Variants in PTPRD observed in about 807,000 individuals in gnomAD.
PTPRD encodes protein tyrosine phosphatase receptor type D.
In PTPRD, 34 loss-of-function variants were observed where a neutral mutation model predicts 214.5. That is an observed-to-expected ratio of 0.16 (90% CI 0.12 to 0.21). The LOEUF is 0.21. PTPRD is among the 10% of genes least tolerant of loss of function. The pLI, the probability that PTPRD is intolerant of heterozygous loss-of-function variation, is 1.00. For synonymous variants in PTPRD, 1,128 were observed against 845.7 expected (o/e 1.33, Z -5.79); for missense variants, 2,545 against 2,398.7 (o/e 1.06, Z -1.27).
In PTPRD at chr9:9,635,149, A is replaced by C. The variant is rs1201099259; in HGVS notation, c.-286-60368T>G. Among the ~76,000 whole-genome samples the C allele has an allele frequency of 2.0e-5, 3 of 152,280 alleles. No individual in the cohort carries two copies. In the East Asian group the frequency reaches 5.8e-4, roughly 29 times the overall value. Reference sequence around the variant, plus strand: ...GGACATCTGTAGCCACACAAACTGGAATAAGCCTATAAAGCTTCTTTTTCT... The same window carrying C: ...GGACATCTGTAGCCACACAAACTGGCATAAGCCTATAAAGCTTCTTTTTCT... On this transcript the variant is annotated intron_variant, in intron 7 of 45. Transcript: ENST00000381196.
At chr9:8,616,703 G>A (rs1274659467) in intron 14 of PTPRD, among the ~76,000 whole-genome samples, 1 of 152,106 alleles carries the variant, frequency 6.6e-6, no homozygotes, top group Non-Finnish European at 1.5e-5. Context: ...CCTACTTTCA[G>A]AGCATATCTC....
intron 27 of PTPRD, among the ~76,000 whole-genome samples, chr9:8,492,112 C>A (rs1196301856): frequency 6.6e-6 from 1 of 152,140 alleles, no homozygotes; most frequent in Non-Finnish European, 1.5e-5. Flanking sequence ...TACTATTTAG[C>A]CTTCTTGCTT....
intron 9 of PTPRD, among the ~76,000 whole-genome samples, chr9:9,395,651 T>C (rs979784432): frequency 6.6e-6 from 1 of 152,098 alleles, no homozygotes; most frequent in Admixed American, 6.6e-5. Flanking sequence ...CCATTATTCA[T>C]GGTTACTAAC....
intron 4 of PTPRD, among the ~76,000 whole-genome samples, chr9:10,013,483 A>C (rs185363136): frequency 3.7e-4 from 56 of 151,496 alleles, no homozygotes; most frequent in African/African-American, 1.2e-3. Flanking sequence ...CCAAAAGGGC[A>C]GGAAACAGAG....
At chr9:8,325,482 T>C (rs533737675) in intron 44 of PTPRD, among the ~76,000 whole-genome samples, 93 of 148,840 alleles carry the variant, frequency 6.2e-4, no homozygotes, top group African/African-American at 2.2e-3. Context: ...CCATGCTGTT[T>C]TGGTTACTGT....
chr9:9,265,418 G>A lies in PTPRD; in HGVS notation c.-202-82055C>T, dbSNP rs74496779. The stretch of plus-strand genomic sequence containing the variant: ...ACAGGCACATACCACCACACCTAGC[G>A]TTTTTTTGTTTTTGTTTTTTTTGTA... On this transcript the variant is annotated intron_variant, in intron 9 of 45. Coordinates refer to ENST00000381196, the MANE Select transcript of PTPRD (RefSeq NM_002839.4). Among the ~76,000 whole-genome samples, 276 of 151,248 alleles carry A rather than the reference G, an allele frequency of 1.8e-3. 1 individual carries two copies. Among genetic ancestry groups the A allele is most frequent in the African/African-American group, 6.3e-3 (259 of 41,292 alleles).
intron 11 of PTPRD, among the ~76,000 whole-genome samples, chr9:8,950,842 A>G (rs1567197801): frequency 6.6e-6 from 1 of 152,216 alleles, no homozygotes; most frequent in East Asian, 1.9e-4. Flanking sequence ...AGCCAAGACT[A>G]GAACCTGGGT....
chr9:9,063,491 A>ATG (rs1202498364), intron 10 of PTPRD, among the ~76,000 whole-genome samples: 4 of 152,174 alleles, frequency 2.6e-5, no homozygotes, highest in Non-Finnish European at 5.9e-5. Flanking sequence ...GTACTGTAGT[A>ATG]TGTAATCTTA....
intron 11 of PTPRD, among the ~76,000 whole-genome samples, chr9:8,813,751 C>T (rs994088612): frequency 3.3e-5 from 5 of 152,298 alleles, no homozygotes; most frequent in African/African-American, 1.2e-4. Context: ...GATAAATATA[C>T]AAGAGATGCT....
At chr9:9,990,518 C>T (rs1225125445) in intron 4 of PTPRD, among the ~76,000 whole-genome samples, 3 of 152,168 alleles carry the variant, frequency 2.0e-5, no homozygotes, top group Non-Finnish European at 4.4e-5. Context: ...TGACTGTGCC[C>T]AGTGGCCAAG....
At chr9:9,487,039 C>G (rs1435803692) in intron 8 of PTPRD, among the ~76,000 whole-genome samples, 5 of 152,138 alleles carry the variant, frequency 3.3e-5, no homozygotes, top group African/African-American at 4.8e-5. Context: ...ATAGAGCAAA[C>G]CAGTCATTAC....
At chr9:9,423,941 A>G (rs1187390092) in intron 8 of PTPRD, among the ~76,000 whole-genome samples, 2 of 152,232 alleles carry the variant, frequency 1.3e-5, no homozygotes, top group Admixed American at 1.3e-4. Context: ...AGTGGATTCT[A>G]TAATGCACCA....
chr9:9,989,410 G>C (rs2095836574), intron 4 of PTPRD, among the ~76,000 whole-genome samples: 1 of 152,170 alleles, frequency 6.6e-6, no homozygotes, highest in South Asian at 2.1e-4. Flanking sequence ...AAGAAAAGAA[G>C]AGAAGAGAAG....
At chr9:10,611,800 G>A (rs950795031) in intron 2 of PTPRD, among the ~76,000 whole-genome samples, 1 of 151,884 alleles carries the variant, frequency 6.6e-6, no homozygotes, top group African/African-American at 2.4e-5. Flanking sequence ...AACTATTCTA[G>A]TTCCAGGATT....
intron 9 of PTPRD, among the ~76,000 whole-genome samples, chr9:9,383,237 A>C (rs150143901): frequency 6.6e-6 from 1 of 152,210 alleles, no homozygotes; most frequent in African/African-American, 2.4e-5. Context: ...ATACTCCCTA[A>C]AGACAAGAAA....
intron 9 of PTPRD, among the ~76,000 whole-genome samples, chr9:9,375,452 C>T (rs920634149): frequency 1.3e-5 from 2 of 151,900 alleles, no homozygotes; most frequent in South Asian, 4.2e-4. Context: ...AAAAATTAGC[C>T]AGGCATGGTG....
intron 2 of PTPRD, among the ~76,000 whole-genome samples, chr9:10,455,847 A>C (rs1342946426): frequency 6.6e-6 from 1 of 151,868 alleles, no homozygotes; most frequent in Non-Finnish European, 1.5e-5. Context: ...TAGAATATAA[A>C]ATATGTAAAA....
intron 3 of PTPRD, among the ~76,000 whole-genome samples, chr9:10,277,184 C>CAACATAAACATAAAACATA (rs142096114): frequency 0.22 from 30,063 of 133,672 alleles, 3,275 homozygotes; most frequent in African/African-American, 0.24. Flanking sequence ...AGTAAAAAAA[C>CAACATAAACATAAAACATA]AACATAAACA....
intron 21 of PTPRD, among the ~76,000 whole-genome samples, chr9:8,511,990 G>C (rs2137915466): frequency 6.6e-6 from 1 of 152,148 alleles, no homozygotes; most frequent in South Asian, 2.1e-4. Context: ...ATTAATATTT[G>C]AATAAAATGT....
Sources: gnomAD v4.1 joint callset for allele counts (sites outside exome capture counted in the v4.1 genomes callset) on GRCh38, gnomAD v4.1.1 for gene constraint, MANE v1.5 for transcripts, NCBI Gene and HGNC (gene_info 2026-07-23, HGNC 2026-07-21) for gene names.